ZNF277: variants seen among roughly 807,000 people sequenced by gnomAD.
ZNF277 encodes the protein zinc finger protein 277, also known as nuclear receptor-interacting factor 4.
A neutral mutation model predicts 60.7 loss-of-function variants in ZNF277; 55 were observed. That is an observed-to-expected ratio of 0.91 (90% CI 0.73 to 1.13). The LOEUF (loss-of-function observed/expected upper bound fraction) is 1.13. ZNF277 is among the 50% of genes most tolerant of loss of function. The pLI is 0.00. For synonymous variants in ZNF277, 178 were observed against 179.3 expected, an observed-to-expected ratio of 0.99 and a Z score of 0.06; for missense variants, 510 against 523.0, an observed-to-expected ratio of 0.98 and a Z score of 0.24.
intron 1 of ZNF277, among the ~76,000 whole-genome samples, chr7:112,269,813 G>A (rs549291879): frequency 6.6e-5 from 10 of 152,136 alleles, no homozygotes; most frequent in Non-Finnish European, 1.2e-4. Flanking sequence ...TAGAAGCTGA[G>A]CTGTATTATC....
chr7:112,216,719 A>G (rs1821893942), intron 1 of ZNF277, among the ~76,000 whole-genome samples: 1 of 152,232 alleles, frequency 6.6e-6, no homozygotes. Context: ...AATATCAGTA[A>G]AAGAAAGAGG....
At chr7:112,274,723 A>T (rs975246758) in intron 1 of ZNF277, among the ~76,000 whole-genome samples, 2 of 152,214 alleles carry the variant, frequency 1.3e-5, no homozygotes, top group Admixed American at 1.3e-4. Context: ...TCATTTCATT[A>T]AAGTATTAAC....
intron 1 of ZNF277, among the ~76,000 whole-genome samples, chr7:112,261,755 C>G (rs1223607831): frequency 6.6e-6 from 1 of 152,154 alleles, no homozygotes; most frequent in South Asian, 2.1e-4. Context: ...GCTTAATCCT[C>G]TTGAATATCA....
At chr7:112,244,021 C>G (rs1304403572) in intron 1 of ZNF277, among the ~76,000 whole-genome samples, 1 of 152,012 alleles carries the variant, frequency 6.6e-6, no homozygotes, top group African/African-American at 2.4e-5. Flanking sequence ...AACTGGAGGC[C>G]ATTATCTTAA....
At chr7:112,273,693 C>T (rs774372305) in intron 1 of ZNF277, among the ~76,000 whole-genome samples, 7 of 152,128 alleles carry the variant, frequency 4.6e-5, no homozygotes, top group Non-Finnish European at 1.0e-4. Context: ...ACCACCCTCT[C>T]TGGTGGAAAA....
At chr7:112,227,631 T>G (rs777612089) in intron 1 of ZNF277, among the ~76,000 whole-genome samples, 2 of 152,198 alleles carry the variant, frequency 1.3e-5, no homozygotes, top group Non-Finnish European at 2.9e-5. Flanking sequence ...GAGACAGCTT[T>G]AGGCTAAACT....
chr7:112,217,871 G>C (rs183709731), intron 1 of ZNF277, among the ~76,000 whole-genome samples: 1 of 152,056 alleles, frequency 6.6e-6, no homozygotes, highest in East Asian at 1.9e-4. Context: ...GGGTCAGCTG[G>C]TACCACCGTA....
intron 7 of ZNF277, among the ~76,000 whole-genome samples, chr7:112,333,085 G>A (rs952514476): frequency 6.6e-6 from 1 of 151,398 alleles, no homozygotes; most frequent in Admixed American, 6.6e-5. Context: ...TGAAGAACAT[G>A]AGTAATAAAT....
chr7:112,279,150 A>G (rs571666141), intron 1 of ZNF277, among the ~76,000 whole-genome samples: 3 of 152,354 alleles, frequency 2.0e-5, no homozygotes, highest in African/African-American at 7.2e-5. Flanking sequence ...TAATGCTTCA[A>G]TGAATATAAA....
intron 6 of ZNF277, 142 bp from the exon 7 acceptor site, chr7:112,329,942 G>A (rs1016968465): frequency 1.9e-5 from 18 of 950,784 alleles, no homozygotes; most frequent in Non-Finnish European, 2.3e-5. Flanking sequence ...AAAGTGAGGG[G>A]GGATTCTGAC....
At chr7:112,244,513 T>C (rs1791034991) in intron 1 of ZNF277, among the ~76,000 whole-genome samples, 1 of 152,158 alleles carries the variant, frequency 6.6e-6, no homozygotes, top group African/African-American at 2.4e-5. Context: ...AGCAGACCCA[T>C]TGACATTCTG....
chr7:112,213,995 C>A (rs958046690), intron 1 of ZNF277, among the ~76,000 whole-genome samples: 3 of 152,204 alleles, frequency 2.0e-5, no homozygotes, highest in Non-Finnish European at 4.4e-5. Flanking sequence ...GGTATAGGCA[C>A]ATCTTTGGCA....
At chr7:112,275,595 A>T (rs1791773290) in intron 1 of ZNF277, among the ~76,000 whole-genome samples, 1 of 152,180 alleles carries the variant, frequency 6.6e-6, no homozygotes, top group African/African-American at 2.4e-5. Flanking sequence ...TTAAATCTAC[A>T]AATAAATCAA....
At chr7:112,302,669 G>A (rs534460275) in intron 4 of ZNF277, among the ~76,000 whole-genome samples, 3 of 152,024 alleles carry the variant, frequency 2.0e-5, no homozygotes, top group African/African-American at 7.2e-5. Context: ...TGAGTCCTAA[G>A]GTTCACCACT....
intron 1 of ZNF277, among the ~76,000 whole-genome samples, chr7:112,236,378 A>G (rs1269132765): frequency 1.3e-5 from 2 of 151,994 alleles, no homozygotes; most frequent in African/African-American, 4.8e-5. Flanking sequence ...CCTAGGTACT[A>G]CTCTGGTCAG....
chr7:112,253,040 A>G (rs538891626), intron 1 of ZNF277, among the ~76,000 whole-genome samples: 1 of 152,316 alleles, frequency 6.6e-6, no homozygotes, highest in South Asian at 2.1e-4. Flanking sequence ...CTGTGAATGG[A>G]TTTGATAAGC....
intron 4 of ZNF277, among the ~76,000 whole-genome samples, chr7:112,300,198 T>G (rs557887493): frequency 9.2e-5 from 14 of 152,220 alleles, no homozygotes; most frequent in Admixed American, 2.6e-4. Context: ...TTTTTCCATT[T>G]CTTTGAGATT....
chr7:112,332,702 C>A (rs1434262695), intron 7 of ZNF277, among the ~76,000 whole-genome samples: 1 of 152,090 alleles, frequency 6.6e-6, no homozygotes, highest in African/African-American at 2.4e-5. Flanking sequence ...TGCGAAATTC[C>A]TGCTGAGGTA....
At chr7:112,211,528 G>C (rs552085584) in intron 1 of ZNF277, among the ~76,000 whole-genome samples, 11 of 152,324 alleles carry the variant, frequency 7.2e-5, no homozygotes, top group Non-Finnish European at 1.6e-4. Flanking sequence ...TTTAATAAGT[G>C]TTTGACCAGA....
Sources: allele counts gnomAD v4.1 joint callset (sites outside exome capture counted in the v4.1 genomes callset), GRCh38; gene constraint gnomAD v4.1.1; transcripts MANE v1.5; gene names NCBI Gene and HGNC (gene_info 2026-07-23, HGNC 2026-07-21).